The following ARMC3 variants were observed in gnomAD, a reference collection of about 807,000 sequenced individuals.
ARMC3 encodes armadillo repeat containing 3, also known as armadillo repeat-containing protein 3.
Under a neutral mutation model 90.3 loss-of-function variants are expected in ARMC3, and 74 were observed. The ratio of observed to expected loss-of-function variants is 0.82; its 90% CI spans 0.68 to 0.99. The LOEUF (loss-of-function observed/expected upper bound fraction) is 0.99. Ranked by LOEUF, ARMC3 falls within the 50% of genes least tolerant of loss-of-function variation. The pLI is 0.00. For synonymous variants in ARMC3, 334 were observed against 361.8 expected, an observed-to-expected ratio of 0.92 and a Z score of 0.87; for missense variants, 958 against 1,042.8, an observed-to-expected ratio of 0.92 and a Z score of 1.12.
chr10:22,957,830 A>G (rs771814697), intron 4 of ARMC3, among the ~76,000 whole-genome samples: 2 of 152,234 alleles, frequency 1.3e-5, no homozygotes, highest in Non-Finnish European at 2.9e-5. Flanking sequence ...AAGGAAAATT[A>G]TAATCAAAAA....
intron 10 of ARMC3, among the ~76,000 whole-genome samples, chr10:22,986,111 C>CT (rs1836416626): frequency 8.6e-6 from 1 of 116,282 alleles, no homozygotes; most frequent in South Asian, 2.8e-4. Context: ...GCACTGCACG[C>CT]CCCCCCCCCG....
At chr10:22,949,990 G>A (rs1285298990) in intron 3 of ARMC3, among the ~76,000 whole-genome samples, 1 of 151,804 alleles carries the variant, frequency 6.6e-6, no homozygotes, top group Non-Finnish European at 1.5e-5. Context: ...AATCTTAAAA[G>A]AATAAAAGAA....
chr10:23,026,177 AT>A (rs1315674534), intron 16 of ARMC3, among the ~76,000 whole-genome samples: 2 of 152,002 alleles, frequency 1.3e-5, no homozygotes, highest in African/African-American at 2.4e-5. Flanking sequence ...ATTGTACACA[AT>A]TTTTTTCAGA....
chr10:22,975,169 C>T (rs754805647), intron 8 of ARMC3, among the ~76,000 whole-genome samples: 1 of 152,150 alleles, frequency 6.6e-6, no homozygotes, highest in Non-Finnish European at 1.5e-5. Context: ...TGAGACCTTA[C>T]CTTACCTGTG....
chr10:22,998,137 C>T lies in ARMC3; in HGVS notation c.1176-11C>T. On this transcript the variant is annotated splice_polypyrimidine_tract_variant and intron_variant, in intron 10 of 18. Coordinates refer to ENST00000298032, the MANE Select transcript of ARMC3 (RefSeq NM_173081.5). The stretch of plus-strand genomic sequence containing the variant: ...AGATGAATCACATTCATTTCTCTTT[C>T]ATTTACTCAGCGCTGCTGCTGAAGC... 1 of 1,611,194 alleles carries T rather than the reference C, an allele frequency of 6.2e-7. No homozygotes were observed. The highest frequency in any genetic ancestry group is 2.2e-5 in the East Asian group (1 of 44,820).
At chr10:23,026,674 TATC>T (rs1485264232) in intron 16 of ARMC3, among the ~76,000 whole-genome samples, 1 of 152,134 alleles carries the variant, frequency 6.6e-6, no homozygotes, top group Non-Finnish European at 1.5e-5. Context: ...CTGCAAACAA[TATC>T]ATAACTAGGA....
At chr10:22,945,917 T>G (rs187882327) in intron 2 of ARMC3, among the ~76,000 whole-genome samples, 1 of 152,222 alleles carries the variant, frequency 6.6e-6, no homozygotes, top group Non-Finnish European at 1.5e-5. Context: ...CCTGTCAGAT[T>G]CCAAAACATT....
chr10:22,979,785 AG>A (rs1228918446), intron 8 of ARMC3, among the ~76,000 whole-genome samples: 2 of 152,202 alleles, frequency 1.3e-5, no homozygotes, highest in African/African-American at 4.8e-5. Context: ...TATGAAAAAA[AG>A]TTATGGCCTG....
chr10:23,021,901 T>G (rs573013664), intron 16 of ARMC3, among the ~76,000 whole-genome samples: 4 of 152,294 alleles, frequency 2.6e-5, no homozygotes, highest in Admixed American at 2.6e-4. Flanking sequence ...AAATATTTTC[T>G]TCCACTCTGT....
At chr10:23,017,491 A>G (rs1050441261) in intron 16 of ARMC3, among the ~76,000 whole-genome samples, 1 of 152,210 alleles carries the variant, frequency 6.6e-6, no homozygotes, top group Admixed American at 6.5e-5. Context: ...TTGACCGGGC[A>G]TGGTGGCTCA....
intron 16 of ARMC3, among the ~76,000 whole-genome samples, chr10:23,025,428 TTAA>T (rs1838680817): frequency 1.3e-5 from 2 of 152,016 alleles, no homozygotes; most frequent in South Asian, 4.1e-4. Context: ...AGATTATAAA[TTAA>T]TAACAGAAAT....
At chr10:23,010,386 C>A (rs1837878261) in intron 16 of ARMC3, among the ~76,000 whole-genome samples, 1 of 113,678 alleles carries the variant, frequency 8.8e-6, no homozygotes, top group Non-Finnish European at 1.9e-5. Flanking sequence ...CTTCCTTCCC[C>A]TCTCTTTCCC....
intron 16 of ARMC3, among the ~76,000 whole-genome samples, chr10:23,017,168 G>A (rs1838311562): frequency 6.6e-6 from 1 of 151,992 alleles, no homozygotes; most frequent in Admixed American, 6.6e-5. Flanking sequence ...AATGCATGGT[G>A]GGTGCATTCA....
At chr10:23,004,998 C>T (rs1024523599) in intron 13 of ARMC3, among the ~76,000 whole-genome samples, 23 of 28,948 alleles carry the variant, frequency 7.9e-4, no homozygotes, top group African/African-American at 1.7e-3. Flanking sequence ...GGGCGGATCA[C>T]GAGGTCAGAT....
At chr10:22,939,076 C>A (rs1834220419) in intron 2 of ARMC3, among the ~76,000 whole-genome samples, 1 of 151,960 alleles carries the variant, frequency 6.6e-6, no homozygotes, top group Admixed American at 6.6e-5. Context: ...CAGCAAGGAG[C>A]TAGAGTAAGA....
chr10:23,005,211 CAAAA>C lies in ARMC3; in HGVS notation c.1732-1654_1732-1651del, dbSNP rs35706584. ...CTGGGCGACAGAGCTAGACTCGTCT[CAAAA>C]AAAAAAAAAAAAAAAAAACCAAACC... On this transcript the variant is annotated intron_variant, in intron 13 of 18. Transcript: ENST00000298032. 9.8e-3 allele frequency among the ~76,000 whole-genome samples: 600 copies of C among 60,948 alleles called. 4 individuals carry two copies. Among genetic ancestry groups the C allele is most frequent in the African/African-American group, 0.028 (529 of 19,176 alleles). 40.0% of individuals were successfully genotyped at this position (60,948 alleles called of 152,430 possible).
intron 6 of ARMC3, chr10:22,961,650 G>C (rs1486043837): frequency 1.6e-5 from 7 of 429,846 alleles, no homozygotes; most frequent in Non-Finnish European, 2.9e-5. Context: ...ATAGATAAAA[G>C]TCATAGATCA....
intron 7 of ARMC3, among the ~76,000 whole-genome samples, chr10:22,965,344 C>A (rs1222574081): frequency 1.3e-5 from 2 of 152,132 alleles, no homozygotes; most frequent in African/African-American, 4.8e-5. Context: ...TTCTTGGCTG[C>A]TAGTTTTGTT....
In ARMC3 at chr10:22,976,834, T is replaced by C. The variant is rs1588870905; in HGVS notation, c.917-4506T>C. On this transcript the variant is annotated intron_variant, in intron 8 of 18. Coordinates refer to ENST00000298032, the MANE Select transcript of ARMC3 (RefSeq NM_173081.5). ...TGAACAAAGAGTAACCTTCTGAAAATGCACAAATACACTACATTCTGCATA... is the reference window on the plus strand; with the variant it reads ...TGAACAAAGAGTAACCTTCTGAAAACGCACAAATACACTACATTCTGCATA... Among the ~76,000 whole-genome samples the C allele has an allele frequency of 3.9e-5, 6 of 152,264 alleles. 1 individual carries two copies. The highest frequency in any genetic ancestry group is 3.9e-4 in the Admixed American group (6 of 15,298).
Sources: gnomAD v4.1 joint callset for allele counts (sites outside exome capture counted in the v4.1 genomes callset) on GRCh38, gnomAD v4.1.1 for gene constraint, MANE v1.5 for transcripts, NCBI Gene and HGNC (gene_info 2026-07-23, HGNC 2026-07-21) for gene names.